The following WWOX variants were observed in gnomAD, a reference collection of about 807,000 sequenced individuals.
WWOX encodes WW domain containing oxidoreductase.
Under a neutral mutation model 46.2 loss-of-function variants are expected in WWOX, and 69 were observed. The ratio of observed to expected loss-of-function variants is 1.49; its 90% CI spans 1.23 to 1.82. The LOEUF is 1.82. Among genes scored for constraint, WWOX ranks in the 40% most tolerant of loss-of-function variants. The pLI is 0.00. For missense variants in WWOX, 919 were observed against 542.6 expected (o/e 1.69, Z -6.89); for synonymous variants, 359 against 202.6 (o/e 1.77, Z -6.56).
chr16:78,690,567 A>C (rs2047962120), intron 8 of WWOX, among the ~76,000 whole-genome samples: 1 of 152,176 alleles, frequency 6.6e-6, no homozygotes, highest in Non-Finnish European at 1.5e-5. Flanking sequence ...TAAAAAAAGA[A>C]GAAGAAATGT....
intron 8 of WWOX, among the ~76,000 whole-genome samples, chr16:78,688,003 A>G (rs969125574): frequency 2.0e-5 from 3 of 152,174 alleles, no homozygotes; most frequent in Non-Finnish European, 4.4e-5. Context: ...TTTGCTGCCA[A>G]TTGCTGCCGA....
intron 8 of WWOX, among the ~76,000 whole-genome samples, chr16:78,742,069 G>T (rs1284229282): frequency 6.6e-6 from 1 of 152,076 alleles, no homozygotes; most frequent in Admixed American, 6.6e-5. Flanking sequence ...TCAGCACTAG[G>T]ATATGGATAG....
chr16:78,928,256 G>A (rs1409371877), intron 8 of WWOX, among the ~76,000 whole-genome samples: 1 of 146,222 alleles, frequency 6.8e-6, no homozygotes, highest in Non-Finnish European at 1.5e-5. Context: ...AGGCTGGAGT[G>A]CAGTGGCGCG....
chr16:78,841,154 A>G (rs2052135772), intron 8 of WWOX, among the ~76,000 whole-genome samples: 1 of 152,188 alleles, frequency 6.6e-6, no homozygotes, highest in Non-Finnish European at 1.5e-5. Flanking sequence ...TTATACAGAT[A>G]CACAACGTGC....
intron 5 of WWOX, among the ~76,000 whole-genome samples, chr16:78,256,131 C>T (rs918649378): frequency 9.0e-6 from 1 of 110,888 alleles, no homozygotes; most frequent in African/African-American, 3.7e-5. Context: ...TCCTGGGCGA[C>T]AGAGCAAGAC....
chr16:78,845,175 A>C (rs573988213), intron 8 of WWOX, among the ~76,000 whole-genome samples: 19 of 144,776 alleles, frequency 1.3e-4, no homozygotes, highest in African/African-American at 4.3e-4. Flanking sequence ...ACTTCTATGG[A>C]CTGGTCTTAA....
intron 8 of WWOX, among the ~76,000 whole-genome samples, chr16:78,874,332 A>G (rs1443751647): frequency 1.3e-5 from 2 of 151,730 alleles, no homozygotes; most frequent in African/African-American, 2.4e-5. Context: ...AGAGAGCTGC[A>G]TCCTGAACAG....
At chr16:78,944,244 C>T (rs2045907082) in intron 8 of WWOX, among the ~76,000 whole-genome samples, 1 of 152,104 alleles carries the variant, frequency 6.6e-6, no homozygotes, top group Non-Finnish European at 1.5e-5. Context: ...AAAGTTGACT[C>T]TCATAATTGT....
At chr16:78,606,967 A>G (rs2045775034) in intron 8 of WWOX, among the ~76,000 whole-genome samples, 1 of 152,110 alleles carries the variant, frequency 6.6e-6, no homozygotes, top group South Asian at 2.1e-4. Flanking sequence ...ATTTTTGTGC[A>G]GGACTAATGG....
At chr16:79,181,811 GGTTTAGGCTGCAT>G (rs2050917537) in intron 8 of WWOX, among the ~76,000 whole-genome samples, 1 of 152,170 alleles carries the variant, frequency 6.6e-6, no homozygotes, top group Non-Finnish European at 1.5e-5. Context: ...TCCCACTGCA[GGTTTAGGCTGCAT>G]GTTTCATCCA....
intron 8 of WWOX, among the ~76,000 whole-genome samples, chr16:78,492,880 G>T (rs371897052): frequency 8.5e-5 from 13 of 152,270 alleles, no homozygotes; most frequent in African/African-American, 2.6e-4. Context: ...CAAGTACCCA[G>T]TGTGCATGCA....
At chr16:78,128,155 C>T (rs79127603) in intron 4 of WWOX, among the ~76,000 whole-genome samples, 288 of 151,378 alleles carry the variant, frequency 1.9e-3, no homozygotes, top group African/African-American at 6.4e-3. Flanking sequence ...AATTTAATTC[C>T]TTAATGGAAA....
intron 8 of WWOX, among the ~76,000 whole-genome samples, chr16:78,909,676 A>G (rs1324129670): frequency 6.6e-6 from 1 of 152,172 alleles, no homozygotes; most frequent in Non-Finnish European, 1.5e-5. Context: ...CCATCCCACT[A>G]ATATATTTCT....
At chr16:78,778,563 C>T (rs904046652) in intron 8 of WWOX, among the ~76,000 whole-genome samples, 2 of 152,088 alleles carry the variant, frequency 1.3e-5, no homozygotes, top group Admixed American at 6.6e-5. Context: ...CTCAGAAGAG[C>T]GACGCAATAG....
intron 8 of WWOX, among the ~76,000 whole-genome samples, chr16:78,661,318 T>A (rs184281328): frequency 3.8e-3 from 580 of 152,300 alleles, no homozygotes; most frequent in Middle Eastern, 0.01. Flanking sequence ...CGCCATTTTT[T>A]AAAATTTATG....
At chr16:78,547,692 G>C (rs1347175741) in intron 8 of WWOX, among the ~76,000 whole-genome samples, 1 of 152,150 alleles carries the variant, frequency 6.6e-6, no homozygotes, top group Non-Finnish European at 1.5e-5. Context: ...CCACTTTCTG[G>C]TTCCTAGATG....
At chr16:79,157,639 C>G (rs1163778892) in intron 8 of WWOX, among the ~76,000 whole-genome samples, 3 of 152,122 alleles carry the variant, frequency 2.0e-5, no homozygotes, top group East Asian at 1.9e-4. Flanking sequence ...TTTAGGTATG[C>G]TAAGACCAGC....
intron 5 of WWOX, among the ~76,000 whole-genome samples, chr16:78,195,465 G>C (rs1226176059): frequency 6.6e-6 from 1 of 151,940 alleles, no homozygotes; most frequent in Non-Finnish European, 1.5e-5. Context: ...TGACACCATG[G>C]CCACCTTCCA....
At chr16:78,266,503 T>C (rs1257584267) in intron 5 of WWOX, among the ~76,000 whole-genome samples, 1 of 152,200 alleles carries the variant, frequency 6.6e-6, no homozygotes, top group African/African-American at 2.4e-5. Flanking sequence ...TTGTTCTTCT[T>C]ATTTGTCCCT....
Sources: gnomAD v4.1 joint callset for allele counts (sites outside exome capture counted in the v4.1 genomes callset) on GRCh38, gnomAD v4.1.1 for gene constraint, MANE v1.5 for transcripts, NCBI Gene and HGNC (gene_info 2026-07-23, HGNC 2026-07-21) for gene names.